The following BICDL1 variants were observed in gnomAD, a reference collection of about 807,000 sequenced individuals.
The protein encoded by BICDL1 is BICD family-like cargo adapter 1.
BICDL1 carries 20 observed loss-of-function variants against 76.8 expected under a neutral mutation model. The observed-to-expected ratio is 0.26, with a 90% CI of 0.18 to 0.38. The LOEUF is 0.38. Ranked by LOEUF, BICDL1 falls within the 10% of genes least tolerant of loss-of-function variation. The pLI, the probability that BICDL1 is intolerant of heterozygous loss-of-function variation, is 1.00. For missense variants in BICDL1, 700 were observed against 798.6 expected (o/e 0.88, Z 1.49); for synonymous variants, 383 against 337.1 (o/e 1.14, Z -1.49).
chr12:120,012,290 G>A (rs768187734), intron 2 of BICDL1, among the ~76,000 whole-genome samples: 7 of 152,212 alleles, frequency 4.6e-5, no homozygotes, highest in Non-Finnish European at 4.4e-5. Context: ...AGGTGTTTAT[G>A]TGATTTTCCT....
intron 4 of BICDL1, among the ~76,000 whole-genome samples, chr12:120,069,273 A>C (rs1419537592): frequency 6.6e-6 from 1 of 152,208 alleles, no homozygotes; most frequent in Admixed American, 6.5e-5. Flanking sequence ...GTCTTCAGAA[A>C]AGGACTGAGA....
rs1445199653 is a variant in BICDL1 at position 120,059,527 on chromosome 12, G to A, written c.646-2183G>A. ...CTGACCTTGTGATCCGCCCACCTCG[G>A]CCTCTCAAAGTGTTGGGATTACAGG... On this transcript the variant is annotated intron_variant, in intron 2 of 9. Coordinates refer to ENST00000548673, the MANE Select transcript of BICDL1 (RefSeq NM_001367886.1). Among the ~76,000 whole-genome samples the A allele has an allele frequency of 2.6e-5, 4 of 151,784 alleles. No homozygotes were observed. In the East Asian group the frequency reaches 7.8e-4, roughly 29 times the overall value.
chr12:120,045,516 A>G (rs1952729356), intron 2 of BICDL1, among the ~76,000 whole-genome samples: 1 of 152,174 alleles, frequency 6.6e-6, no homozygotes, highest in African/African-American at 2.4e-5. Flanking sequence ...TTTGGAACCA[A>G]CCCAAATGTC....
chr12:120,026,065 T>A (rs1193779607), intron 2 of BICDL1, among the ~76,000 whole-genome samples: 6 of 152,086 alleles, frequency 3.9e-5, no homozygotes, highest in African/African-American at 7.2e-5. Flanking sequence ...CTCGAACTCC[T>A]GGCCTCAAGC....
At chr12:120,022,555 GT>G (rs1952206825) in intron 2 of BICDL1, among the ~76,000 whole-genome samples, 1 of 151,046 alleles carries the variant, frequency 6.6e-6, no homozygotes, top group Non-Finnish European at 1.5e-5. Flanking sequence ...TTGGATCTTA[GT>G]TTGAACAAAT....
chr12:120,025,226 A>G (rs1452258051), intron 2 of BICDL1, among the ~76,000 whole-genome samples: 2 of 150,790 alleles, frequency 1.3e-5, no homozygotes, highest in East Asian at 3.9e-4. Context: ...AATTTTTTGT[A>G]TTTTTAGTAG....
chr12:120,062,303 G>A (rs1953122427), intron 3 of BICDL1, among the ~76,000 whole-genome samples: 1 of 152,156 alleles, frequency 6.6e-6, no homozygotes, highest in South Asian at 2.1e-4. Context: ...TGGAACCATA[G>A]GAGAGGCCAG....
chr12:120,091,207 G>A, intron 9 of BICDL1: 1 of 1,182,052 alleles, frequency 8.5e-7, no homozygotes. Flanking sequence ...CTTCAGCAGT[G>A]TGTGGCCCAG....
At chr12:120,042,063 G>A (rs945946915) in intron 2 of BICDL1, among the ~76,000 whole-genome samples, 3 of 152,052 alleles carry the variant, frequency 2.0e-5, no homozygotes, top group African/African-American at 7.2e-5. Context: ...CAAGTAGGTG[G>A]CACCACAGTC....
At chr12:120,054,419 A>C (rs1177239253) in intron 2 of BICDL1, among the ~76,000 whole-genome samples, 1 of 152,164 alleles carries the variant, frequency 6.6e-6, no homozygotes, top group African/African-American at 2.4e-5. Flanking sequence ...TGACACAGTA[A>C]GCTTGTCCAG....
intron 8 of BICDL1, 129 bp downstream of exon 8, chr12:120,081,146 CCCCCACCCCCA>C: frequency 1.6e-6 from 1 of 612,292 alleles, no homozygotes; most frequent in Non-Finnish European, 2.5e-6. Flanking sequence ...CCGCTACCCA[CCCCCACCCCCA>C]CCCCCACCCC....
chr12:120,046,543 C>T (rs1234845692), intron 2 of BICDL1, among the ~76,000 whole-genome samples: 1 of 152,174 alleles, frequency 6.6e-6, no homozygotes, highest in African/African-American at 2.4e-5. Flanking sequence ...AAGGGAAGAA[C>T]CTGAGACACA....
intron 2 of BICDL1, among the ~76,000 whole-genome samples, chr12:120,017,045 C>T (rs531730674): frequency 3.9e-4 from 59 of 152,192 alleles, no homozygotes; most frequent in Middle Eastern, 3.4e-3. Context: ...TACAGGCACC[C>T]GCCACCACAC....
At chr12:120,059,541 T>C (rs1002748613) in intron 2 of BICDL1, among the ~76,000 whole-genome samples, 2 of 152,216 alleles carry the variant, frequency 1.3e-5, no homozygotes, top group Admixed American at 6.5e-5. Flanking sequence ...CTCAAAGTGT[T>C]GGGATTACAG....
intron 2 of BICDL1, among the ~76,000 whole-genome samples, chr12:120,050,712 G>GCTCA (rs1432999952): frequency 6.6e-6 from 1 of 151,896 alleles, no homozygotes; most frequent in African/African-American, 2.4e-5. Context: ...CACGATCTTG[G>GCTCA]CTCACTGCAA....
intron 2 of BICDL1, among the ~76,000 whole-genome samples, chr12:120,042,185 C>T (rs1454036840): frequency 6.6e-6 from 1 of 152,066 alleles, no homozygotes; most frequent in Non-Finnish European, 1.5e-5. Flanking sequence ...CATATAGCAC[C>T]TATTATATGC....
At chr12:120,013,253 G>A (rs954861555) in intron 2 of BICDL1, among the ~76,000 whole-genome samples, 13 of 149,378 alleles carry the variant, frequency 8.7e-5, no homozygotes, top group Non-Finnish European at 1.5e-4. Context: ...GGTGGAGGTT[G>A]CAATGAGCCA....
intron 2 of BICDL1, among the ~76,000 whole-genome samples, chr12:119,999,062 G>GGAAAA (rs10659159): frequency 3.1e-5 from 3 of 95,258 alleles, no homozygotes; most frequent in East Asian, 6.1e-4. Context: ...GCCTGTCTCG[G>GGAAAA]AAAAAAAAAA....
At chr12:120,007,163 C>G (rs1951866088) in intron 2 of BICDL1, among the ~76,000 whole-genome samples, 1 of 152,038 alleles carries the variant, frequency 6.6e-6, no homozygotes, top group South Asian at 2.1e-4. Context: ...CTTGAGAGAC[C>G]AAAGGCTAGA....
Sources: gnomAD v4.1 joint callset for allele counts (sites outside exome capture counted in the v4.1 genomes callset) on GRCh38, gnomAD v4.1.1 for gene constraint, MANE v1.5 for transcripts, NCBI Gene and HGNC (gene_info 2026-07-23, HGNC 2026-07-21) for gene names.